The following LAS1L variants were observed in gnomAD, a reference collection of about 807,000 sequenced individuals.
LAS1L encodes ribosomal biogenesis protein LAS1L.
Under a neutral mutation model 57.3 loss-of-function variants are expected in LAS1L, and 5 were observed. The ratio of observed to expected loss-of-function variants is 0.09; its 90% CI spans 0.05 to 0.18. The LOEUF (loss-of-function observed/expected upper bound fraction) is 0.18. LAS1L is among the 10% of genes least tolerant of loss of function. The probability of loss-of-function intolerance (pLI) is 1.00; values close to 1 mark genes in which losing one functional copy is unlikely to be tolerated. For synonymous variants in LAS1L, 245 were observed against 231.7 expected (o/e 1.06, Z -0.52); for missense variants, 360 against 568.3 (o/e 0.63, Z 3.73).
At chrX:65,525,211 G>A (rs1165157277) in intron 7 of LAS1L, among the ~76,000 whole-genome samples, 161 bp from the exon 8 acceptor site, 1 of 111,827 alleles carries the variant, frequency 8.9e-6, no homozygotes, top group Non-Finnish European at 1.9e-5. Flanking sequence ...GAAGGGAGTT[G>A]ACAATTGGAT....
At chrX:65,524,299 G>A (rs1602613702) in intron 9 of LAS1L, 37 bp from the exon 10 acceptor site, 2 of 1,061,019 alleles carry the variant, frequency 1.9e-6, no homozygotes, top group East Asian at 3.1e-5. Context: ...GGGGGCAATA[G>A]GAGAGAGAGA....
chrX:65,530,024 C>T (rs2148314174), intron 4 of LAS1L, 146 bp from the exon 5 acceptor site: 1 of 511,228 alleles, frequency 2.0e-6, no homozygotes, highest in East Asian at 3.6e-5. Flanking sequence ...CAGCCTCTTT[C>T]ACTCTGGGTT....
chrX:65,512,651 G>A lies in LAS1L; in HGVS notation c.*124C>T, dbSNP rs940962337. 9 of 788,177 alleles carry A rather than the reference G, an allele frequency of 1.1e-5. No homozygotes were observed. In the African/African-American group the frequency reaches 1.7e-4, roughly 15 times the overall value. 65.0% of individuals were successfully genotyped at this position (788,177 alleles called of 1,213,427 possible). A position where few individuals can be genotyped will look rare whatever the true frequency, so the allele number is the denominator to read the frequency against. ...AGACATTCAAAATTCCCCTGTGGTG[G>A]ACAACTGAGTTGATGTGGCTGATCC... On this transcript the variant is annotated 3_prime_UTR_variant, in exon 14 of 14. Coordinates refer to ENST00000374811, the MANE Select transcript of LAS1L (RefSeq NM_031206.7).
Position 65,524,165 on chromosome X carries a change from G to A in LAS1L, c.1191C>T (p.Ala397=). 2 of 1,210,589 alleles carry A rather than the reference G, an allele frequency of 1.7e-6. No individual in the cohort carries two copies. Among genetic ancestry groups the A allele is most frequent in the Non-Finnish European group, 2.2e-6 (2 of 894,658 alleles). Residue 397 remains alanine (A), a synonymous_variant, in exon 10 of 14, where the codon GCC becomes GCT. Coordinates refer to ENST00000374811, the MANE Select transcript of LAS1L (RefSeq NM_031206.7). ...RGLHSQNFTQ[A]LLERMLSELP... ...GTTCAGAGAGCATCCTCTCCAATAG[G>A]GCCTGCGTGAAGTTCTGGGAGTGCA...
At chrX:65,513,919 C>CCT (rs1035187825) in intron 13 of LAS1L, among the ~76,000 whole-genome samples, 1 of 112,529 alleles carries the variant, frequency 8.9e-6, no homozygotes, top group Non-Finnish European at 1.9e-5. Flanking sequence ...CCAGCTGCCA[C>CCT]CTCTCTTCTC....
At chrX:65,526,205 G>A (rs1357395111) in intron 7 of LAS1L, among the ~76,000 whole-genome samples, 3 of 111,815 alleles carry the variant, frequency 2.7e-5, no homozygotes, top group African/African-American at 9.8e-5. Flanking sequence ...ACAGAAGCAT[G>A]AGACAAACAA....
intron 7 of LAS1L, 26 bp downstream of exon 7, chrX:65,528,234 C>T (rs1231916636): frequency 1.0e-6 from 1 of 984,499 alleles, no homozygotes; most frequent in Admixed American, 2.4e-5. Context: ...AGAGAATACG[C>T]AGCTCCCGGT....
At chrX:65,517,017 T>A (rs1176461293) in intron 12 of LAS1L, among the ~76,000 whole-genome samples, 1 of 110,828 alleles carries the variant, frequency 9.0e-6, no homozygotes, top group Non-Finnish European at 1.9e-5. Context: ...CACTGTTCTG[T>A]CATCCCTTCT....
intron 2 of LAS1L, among the ~76,000 whole-genome samples, chrX:65,533,077 C>A (rs1347416393): frequency 9.0e-6 from 1 of 111,153 alleles, no homozygotes. Context: ...ACCTTTTTTT[C>A]CGACGTGTAT....
chrX:65,531,898 G>A (rs904356497), intron 3 of LAS1L, among the ~76,000 whole-genome samples: 1 of 112,171 alleles, frequency 8.9e-6, no homozygotes, highest in African/African-American at 3.2e-5. Flanking sequence ...TCCAGCTTGG[G>A]CAACAGAGCA....
intron 11 of LAS1L, chrX:65,518,870 C>T (rs941366361): frequency 8.0e-6 from 6 of 753,239 alleles, no homozygotes; most frequent in African/African-American, 4.6e-5. Context: ...GAACAGATCC[C>T]TCTCTTCTCT....
intron 1 of LAS1L, 72 bp downstream of exon 1, chrX:65,534,408 A>C: frequency 1.2e-6 from 1 of 801,375 alleles, no homozygotes; most frequent in Non-Finnish European, 1.7e-6. Context: ...ACAGGGCCTT[A>C]TAGAAACTCG....
chrX:65,529,889 G>T lies in LAS1L; in HGVS notation c.515-11C>A, dbSNP rs748805246. 3 of 1,207,182 alleles carry T rather than the reference G, an allele frequency of 2.5e-6. No homozygotes were observed. The highest frequency in any genetic ancestry group is 1.8e-5 in the South Asian group (1 of 56,585). ...GGACAAAGTAGCAGCCTAGAGGGGG[G>T]AAGGCAGGCAGTGCCACAGGATCAG... On this transcript the variant is annotated splice_polypyrimidine_tract_variant and intron_variant, in intron 4 of 13. Coordinates refer to ENST00000374811, the MANE Select transcript of LAS1L (RefSeq NM_031206.7).
chrX:65,518,201 C>T lies in LAS1L; in HGVS notation c.1713G>A (p.Glu571=), dbSNP rs1204128051. ...CTACCTGGTCTGGCAAGACCTCTTT[C>T]TCCTCCTTCTCCTCTTCCTTGACAT... ...VNDVKEEEKE[E]KEVLPDQVEE... Residue 571 remains glutamate (E), a synonymous_variant, in exon 12 of 14, where the codon GAG becomes GAA. Transcript: ENST00000374811. The T allele has an allele frequency of 1.7e-6, 2 of 1,209,879 alleles. No individual in the cohort carries two copies. The highest frequency in any genetic ancestry group is 4.3e-5 in the Admixed American group (2 of 46,072).
At chrX:65,526,975 G>A (rs2069174224) in intron 7 of LAS1L, among the ~76,000 whole-genome samples, 1 of 109,903 alleles carries the variant, frequency 9.1e-6, no homozygotes, top group Admixed American at 9.7e-5. Context: ...ACTTTGGGAG[G>A]CCAAGGCAGG....
intron 10 of LAS1L, 92 bp from the exon 11 acceptor site, chrX:65,523,799 C>A (rs776044501): frequency 2.1e-5 from 20 of 965,730 alleles, no homozygotes; most frequent in Admixed American, 3.3e-5. Context: ...CCCTCCCCAT[C>A]CCCCCAGACT....
intron 12 of LAS1L, among the ~76,000 whole-genome samples, chrX:65,516,604 A>C (rs1440569207): frequency 1.9e-5 from 2 of 104,512 alleles, no homozygotes; most frequent in Non-Finnish European, 3.9e-5. Flanking sequence ...CTTGGCCATG[A>C]CTTAACTGCC....
In LAS1L at chrX:65,518,132, A is replaced by C. The variant is rs1249670946; in HGVS notation, c.1782T>G (p.Asp594Glu). The C allele has an allele frequency of 8.4e-7, 1 of 1,197,541 alleles. No individual in the cohort carries two copies. The highest frequency in any genetic ancestry group is 1.1e-6 in the Non-Finnish European group (1 of 883,321). The change falls in exon 12 of 14, where the codon GAT becomes GAG. Residue 594 changes from aspartate to glutamate, a missense_variant. Physicochemically the swap from Asp to Glu is conservative, Grantham distance 45. Around this residue, in one of 7 missense-constraint regions of LAS1L, gnomAD observed 123 missense variants for 168.3 expected, o/e 0.73. Coordinates refer to ENST00000374811, the MANE Select transcript of LAS1L (RefSeq NM_031206.7). ...ENDDQEEEEE[D>E]EDDEDDEEED... ...CCTCTTCATCATCTTCATCATCTTC[A>C]TCCTCCTCTTCCTCCTCTTGGTCAT...
rs146920304 is a variant in LAS1L, at chrX:65,525,005, G to A, written c.1002C>T (p.Pro334=). ...DAFLDDGFLV[P]TFEQLAALQI... ...GCAAAGCTGCCAACTGTTCAAATGT[G>A]GGGACAAGGAAGCCATCATCCAGAA... Residue 334 remains proline (P), a synonymous_variant, in exon 8 of 14, where the codon CCC becomes CCT. Coordinates refer to ENST00000374811, the MANE Select transcript of LAS1L (RefSeq NM_031206.7). The A allele has an allele frequency of 1.9e-4, 229 of 1,208,408 alleles. No individual in the cohort carries two copies. The highest frequency in any genetic ancestry group is 2.2e-4 in the Non-Finnish European group (201 of 894,439).
Sources: gnomAD v4.1 joint callset for allele counts (sites outside exome capture counted in the v4.1 genomes callset) on GRCh38, gnomAD v4.1.1 for gene constraint, gnomAD v4.1.1 regional missense constraint, MANE v1.5 for transcripts, NCBI Gene and HGNC (gene_info 2026-07-23, HGNC 2026-07-21) for gene names.